METTL25: variants seen among roughly 807,000 people sequenced by gnomAD.
The protein encoded by METTL25 is methyltransferase like 25, also known as probable methyltransferase-like protein 25.
In METTL25, 64 loss-of-function variants were observed where a neutral mutation model predicts 71.6. The observed-to-expected ratio is 0.89, with a 90% CI of 0.73 to 1.10. The LOEUF is 1.10. Ranked by LOEUF, METTL25 falls within the 50% of genes least tolerant of loss-of-function variation. The probability of loss-of-function intolerance (pLI) is 0.00; values close to 1 mark genes in which losing one functional copy is unlikely to be tolerated. For missense variants in METTL25, 807 were observed against 707.0 expected (o/e 1.14, Z -1.60); for synonymous variants, 287 against 250.3 (o/e 1.15, Z -1.38).
At chr12:82,429,904 ATAGGCTATGATTGTAACATCTTTCT>A (rs1889351714) in intron 5 of METTL25, among the ~76,000 whole-genome samples, 1 of 151,476 alleles carries the variant, frequency 6.6e-6, no homozygotes, top group Non-Finnish European at 1.5e-5. Flanking sequence ...GAACATCTGG[ATAGGCTATGATTGTAACATCTTTCT>A]TAGGCTATGA....
At chr12:82,438,873 G>A in intron 8 of METTL25, 82 bp downstream of exon 8, 5 of 1,314,988 alleles carry the variant, frequency 3.8e-6, no homozygotes, top group Non-Finnish European at 5.0e-6. Context: ...AATTTATGCA[G>A]GGTCACTGTT....
At chr12:82,404,383 C>T (rs1386560050) in intron 5 of METTL25, among the ~76,000 whole-genome samples, 1 of 151,940 alleles carries the variant, frequency 6.6e-6, no homozygotes, top group Non-Finnish European at 1.5e-5. Context: ...AGTATTTCTA[C>T]TAAATTATAT....
intron 4 of METTL25, among the ~76,000 whole-genome samples, chr12:82,401,115 A>G (rs1439417029): frequency 6.6e-6 from 1 of 152,082 alleles, no homozygotes; most frequent in Non-Finnish European, 1.5e-5. Context: ...TTTGAAAAGG[A>G]TAGTGCTTGA....
At chr12:82,462,411 T>A (rs1403806853) in intron 9 of METTL25, among the ~76,000 whole-genome samples, 1 of 152,120 alleles carries the variant, frequency 6.6e-6, no homozygotes. Context: ...ATGTTTTATT[T>A]CTATGAGATT....
intron 1 of METTL25, among the ~76,000 whole-genome samples, chr12:82,375,153 GT>G (rs1272779539): frequency 6.6e-6 from 1 of 152,202 alleles, no homozygotes; most frequent in Non-Finnish European, 1.5e-5. Flanking sequence ...TTAGATATAT[GT>G]TGCTGTGGTC....
At chr12:82,402,881 G>C (rs1395993085) in intron 4 of METTL25, 102 bp from the exon 5 acceptor site, 3 of 837,688 alleles carry the variant, frequency 3.6e-6, no homozygotes, top group Non-Finnish European at 5.5e-6. Flanking sequence ...CCACAGTGCA[G>C]CCTGGGCAAC....
chr12:82,408,017 T>C, intron 5 of METTL25: 1 of 941,060 alleles, frequency 1.1e-6, no homozygotes, highest in Non-Finnish European at 1.3e-6. Flanking sequence ...CTGAGTCGAA[T>C]TTGACACTTT....
intron 9 of METTL25, among the ~76,000 whole-genome samples, chr12:82,463,906 A>C (rs1892065490): frequency 6.6e-6 from 1 of 151,590 alleles, no homozygotes; most frequent in South Asian, 2.1e-4. Flanking sequence ...ATCAGTGCAG[A>C]TTATTTGCCC....
At chr12:82,362,923 A>G (rs1422669121) in intron 1 of METTL25, among the ~76,000 whole-genome samples, 1 of 151,146 alleles carries the variant, frequency 6.6e-6, no homozygotes, top group Non-Finnish European at 1.5e-5. Context: ...GAAATATAAG[A>G]AGAGGTTACT....
intron 3 of METTL25, among the ~76,000 whole-genome samples, chr12:82,396,760 A>G (rs1245385462): frequency 6.6e-6 from 1 of 152,066 alleles, no homozygotes; most frequent in Non-Finnish European, 1.5e-5. Context: ...GTGATTTTGT[A>G]GGATATTTTC....
In METTL25 at chr12:82,426,377, T is replaced by C. The variant is rs76913116; in HGVS notation, c.1280-4516T>C. Among the ~76,000 whole-genome samples, 469 of 152,174 alleles carry C rather than the reference T, an allele frequency of 3.1e-3. 18 individuals are homozygous for C. In the East Asian group the frequency reaches 0.083, roughly 27 times the overall value. On this transcript the variant is annotated intron_variant, in intron 5 of 11. Transcript: ENST00000248306. ...GTGGTGTCCAGAGGAGTGATGTGTTTTCCTGTAGCTTTGAGCCAAGGCTGG... is the reference window on the plus strand; with the variant it reads ...GTGGTGTCCAGAGGAGTGATGTGTTCTCCTGTAGCTTTGAGCCAAGGCTGG...
chr12:82,425,487 A>C (rs1888940668), intron 5 of METTL25, among the ~76,000 whole-genome samples: 1 of 152,094 alleles, frequency 6.6e-6, no homozygotes, highest in South Asian at 2.1e-4. Flanking sequence ...GCATTATGGA[A>C]GCCAGATGAA....
At chr12:82,396,883 A>G (rs955484962) in intron 3 of METTL25, among the ~76,000 whole-genome samples, 20 of 152,114 alleles carry the variant, frequency 1.3e-4, no homozygotes, top group Admixed American at 6.6e-5. Context: ...CACTTAGCAC[A>G]TAGTATTTGA....
chr12:82,402,385 A>G (rs1886706555), intron 4 of METTL25, among the ~76,000 whole-genome samples: 1 of 152,156 alleles, frequency 6.6e-6, no homozygotes, highest in African/African-American at 2.4e-5. Flanking sequence ...ATATAAATTT[A>G]TAACAAAGCA....
Position 82,462,504 on chromosome 12 carries a change from A to G in METTL25, c.1572+5684A>G, listed in dbSNP as rs562114567. ...TGGCTTATTTCACTTATCATAATGTATATACATAAATATACATGTCTATAA... is the reference window on the plus strand; with the variant it reads ...TGGCTTATTTCACTTATCATAATGTGTATACATAAATATACATGTCTATAA... On this transcript the variant is annotated intron_variant, in intron 9 of 11. Coordinates refer to ENST00000248306, the MANE Select transcript of METTL25 (RefSeq NM_032230.3). Among the ~76,000 whole-genome samples, 6 of 152,260 alleles carry G rather than the reference A, an allele frequency of 3.9e-5. No homozygotes were observed. In the South Asian group the frequency reaches 1.0e-3, roughly 26 times the overall value.
At chr12:82,459,120 AAC>A (rs1320210231) in intron 9 of METTL25, among the ~76,000 whole-genome samples, 1 of 152,164 alleles carries the variant, frequency 6.6e-6, no homozygotes, top group Non-Finnish European at 1.5e-5. Context: ...GAAGGCAAAA[AAC>A]ACAGATTGAA....
intron 9 of METTL25, among the ~76,000 whole-genome samples, chr12:82,465,961 T>G (rs1892202367): frequency 2.0e-5 from 3 of 149,140 alleles, no homozygotes; most frequent in South Asian, 4.2e-4. Context: ...ATTTTTGTTT[T>G]GGATCTTCTT....
chr12:82,361,491 G>C (rs1284986073), intron 1 of METTL25, among the ~76,000 whole-genome samples: 1 of 152,144 alleles, frequency 6.6e-6, no homozygotes, highest in African/African-American at 2.4e-5. Flanking sequence ...GGAGGCTTGG[G>C]CTACGCAGGA....
chr12:82,456,526 A>T (rs1295431517), intron 8 of METTL25, among the ~76,000 whole-genome samples: 1 of 152,002 alleles, frequency 6.6e-6, no homozygotes, highest in East Asian at 1.9e-4. Context: ...GCTATATGTT[A>T]TAAGAATTGT....
Sources: allele counts gnomAD v4.1 joint callset (sites outside exome capture counted in the v4.1 genomes callset), GRCh38; gene constraint gnomAD v4.1.1; transcripts MANE v1.5; gene names NCBI Gene and HGNC (gene_info 2026-07-23, HGNC 2026-07-21).